CD247: variants seen among roughly 807,000 people sequenced by gnomAD.
CD247 encodes the protein CD247 molecule.
In CD247, 13 loss-of-function variants were observed where a neutral mutation model predicts 30.0. That is an observed-to-expected ratio of 0.43 (90% CI 0.28 to 0.69). The LOEUF is 0.69. Ranked by LOEUF, CD247 falls within the 30% of genes least tolerant of loss-of-function variation. CD247 has a pLI of 0.16. For missense variants in CD247, 193 were observed against 212.6 expected, an observed-to-expected ratio of 0.91 and a Z score of 0.57; for synonymous variants, 72 against 80.0, an observed-to-expected ratio of 0.90 and a Z score of 0.53.
intron 1 of CD247, among the ~76,000 whole-genome samples, chr1:167,514,583 T>G (rs1211259951): frequency 6.6e-6 from 1 of 152,082 alleles, no homozygotes; most frequent in Non-Finnish European, 1.5e-5. Context: ...CATTTTGTTT[T>G]GATTAACAGG....
chr1:167,433,110 G>A (rs369656778), intron 6 of CD247, 51 bp from the exon 7 acceptor site: 130 of 1,597,620 alleles, frequency 8.1e-5, no homozygotes, highest in Non-Finnish European at 1.1e-4. Flanking sequence ...CAGGCAGTCA[G>A]TAGTGGCATT....
chr1:167,471,016 C>T (rs757685382), intron 1 of CD247, among the ~76,000 whole-genome samples: 9 of 151,828 alleles, frequency 5.9e-5, no homozygotes, highest in Non-Finnish European at 8.8e-5. Context: ...GGACTACAGG[C>T]GCCCATCACC....
chr1:167,500,128 C>G (rs1229595851), intron 1 of CD247, among the ~76,000 whole-genome samples: 1 of 152,182 alleles, frequency 6.6e-6, no homozygotes, highest in Non-Finnish European at 1.5e-5. Context: ...AATGGAAACG[C>G]TGAACCCAAC....
chr1:167,496,173 T>G (rs1187341425), intron 1 of CD247, among the ~76,000 whole-genome samples: 1 of 152,224 alleles, frequency 6.6e-6, no homozygotes, highest in Non-Finnish European at 1.5e-5. Flanking sequence ...TGTGTGTTTG[T>G]TCATTTTGTA....
Position 167,434,943 on chromosome 1 carries a change from AGCCCTCCTCCAGCCCTTCCTCCG to A in CD247, c.336+433_336+455del, listed in dbSNP as rs1557992222. On this transcript the variant is annotated intron_variant, in intron 5 of 7. Coordinates refer to ENST00000362089, the MANE Select transcript of CD247 (RefSeq NM_198053.3). The stretch of plus-strand genomic sequence containing the variant: ...GCCCTTCCTCCAGCCCTTCCTCCGG[AGCCCTCCTCCAGCCCTTCCTCCG>A]GAGCCCTCCTCCAGCCCTTCCTCCA... 7.3e-6 allele frequency: 3 copies of A among 411,182 alleles called. No homozygotes were observed. The African/African-American group carries it at 7.7e-5, about 10-fold the overall frequency. 25.5% of individuals were successfully genotyped at this position (411,182 alleles called of 1,614,324 possible).
At chr1:167,488,861 A>C (rs985944540) in intron 1 of CD247, among the ~76,000 whole-genome samples, 1 of 152,184 alleles carries the variant, frequency 6.6e-6, no homozygotes, top group Non-Finnish European at 1.5e-5. Flanking sequence ...TGTAGCTCAG[A>C]CAGCTCCGAA....
chr1:167,495,490 A>G (rs751421954), intron 1 of CD247, among the ~76,000 whole-genome samples: 1 of 152,208 alleles, frequency 6.6e-6, no homozygotes, highest in Non-Finnish European at 1.5e-5. Context: ...TTTCTTGAAC[A>G]AACATCACTA....
intron 1 of CD247, among the ~76,000 whole-genome samples, chr1:167,452,724 C>T (rs139031405): frequency 2.0e-3 from 308 of 152,184 alleles, no homozygotes; most frequent in African/African-American, 6.9e-3. Context: ...CCTGCAGTCA[C>T]GCTCTGGGAG....
intron 1 of CD247, among the ~76,000 whole-genome samples, chr1:167,495,667 T>TCC (rs1303800905): frequency 6.6e-6 from 1 of 152,094 alleles, no homozygotes; most frequent in African/African-American, 2.4e-5. Context: ...TGTCACTCTC[T>TCC]CCCCAAACCC....
chr1:167,447,286 G>A (rs917017593), intron 1 of CD247, among the ~76,000 whole-genome samples: 3 of 152,140 alleles, frequency 2.0e-5, no homozygotes, highest in African/African-American at 7.2e-5. Flanking sequence ...CTGATGCAAA[G>A]TCCCTTCTCA....
intron 1 of CD247, among the ~76,000 whole-genome samples, chr1:167,508,846 T>C (rs1421362519): frequency 6.6e-6 from 1 of 152,180 alleles, no homozygotes; most frequent in African/African-American, 2.4e-5. Context: ...TTTAGACTTT[T>C]TTGCAAAAAT....
At position 167,448,487 on chromosome 1, in the gene CD247, C is replaced by T. The variant is rs560180901; in HGVS notation, c.59-7720G>A. 2.4e-5 allele frequency: 24 copies of T among 985,378 alleles called. No homozygotes were observed. The Admixed American group carries it at 7.4e-4, about 30-fold the overall frequency. 61.0% of individuals were successfully genotyped at this position (985,378 alleles called of 1,614,324 possible). On this transcript the variant is annotated intron_variant, in intron 1 of 7. Transcript: ENST00000362089. ...CTTTCATTGAGGGCTGAGAGGCCGG[C>T]CTGGGGGGTTGACAGATACAGAAGG...
intron 1 of CD247, among the ~76,000 whole-genome samples, chr1:167,510,254 T>G (rs957307107): frequency 6.6e-6 from 1 of 152,104 alleles, no homozygotes; most frequent in Admixed American, 6.5e-5. Context: ...AGCATACAGG[T>G]GAGCATACAG....
intron 1 of CD247, among the ~76,000 whole-genome samples, chr1:167,517,751 A>T (rs1042797132): frequency 3.9e-5 from 6 of 152,186 alleles, no homozygotes. Flanking sequence ...CGGCAGTCCC[A>T]GGCGTGGGTG....
chr1:167,497,585 T>G (rs1374522266), intron 1 of CD247, among the ~76,000 whole-genome samples: 1 of 152,156 alleles, frequency 6.6e-6, no homozygotes, highest in Non-Finnish European at 1.5e-5. Context: ...AGGTTGTAAA[T>G]GTTGTTGGTA....
rs1411093297 is a variant in CD247 at position 167,494,558 on chromosome 1, TG to T, written c.58+23849del. The stretch of plus-strand genomic sequence containing the variant: ...TGTGAGGGTCAGATGAGAAAATGGG[TG>T]GGGAGGTAATAATTAGTGAACAGCA... On this transcript the variant is annotated intron_variant, in intron 1 of 7. Coordinates refer to ENST00000362089, the MANE Select transcript of CD247 (RefSeq NM_198053.3). This position sits in a 1 kb window ranked among gnomAD's most constrained non-coding sequence, Gnocchi z 7.3. Among the ~76,000 whole-genome samples, 1 of 151,998 alleles carries T rather than the reference TG, an allele frequency of 6.6e-6. No individual in the cohort carries two copies. Among genetic ancestry groups the T allele is most frequent in the African/African-American group, 2.4e-5 (1 of 41,370 alleles).
chr1:167,460,195 G>T (rs753372136), intron 1 of CD247, among the ~76,000 whole-genome samples: 6 of 151,998 alleles, frequency 3.9e-5, no homozygotes, highest in Non-Finnish European at 7.4e-5. Flanking sequence ...TGAGCCCAGG[G>T]GTTTGAGACT....
At chr1:167,442,628 CT>C (rs932643490) in intron 1 of CD247, among the ~76,000 whole-genome samples, 1 of 152,190 alleles carries the variant, frequency 6.6e-6, no homozygotes, top group African/African-American at 2.4e-5. Flanking sequence ...CTTCCTGCCC[CT>C]GGGCCAGCCC....
intron 1 of CD247, among the ~76,000 whole-genome samples, chr1:167,470,830 C>T (rs1216401513): frequency 6.6e-6 from 1 of 150,676 alleles, no homozygotes; most frequent in Non-Finnish European, 1.5e-5. Context: ...AGTCAACATC[C>T]TTGAACACAA....
Sources: gnomAD v4.1 joint callset for allele counts (sites outside exome capture counted in the v4.1 genomes callset) on GRCh38, gnomAD v4.1.1 for gene constraint, Gnocchi (gnomAD v3.1) non-coding constraint, MANE v1.5 for transcripts, NCBI Gene and HGNC (gene_info 2026-07-23, HGNC 2026-07-21) for gene names.